The following PLCXD3 variants were observed in gnomAD, a reference collection of about 807,000 sequenced individuals.
PLCXD3 encodes PI-PLC X domain-containing protein 3.
In PLCXD3, 19 loss-of-function variants were observed where a neutral mutation model predicts 25.5. The observed-to-expected ratio is 0.75, with a 90% CI of 0.52 to 1.09. The LOEUF (loss-of-function observed/expected upper bound fraction) is 1.09. Ranked by LOEUF, PLCXD3 falls within the 50% of genes least tolerant of loss-of-function variation. The pLI is 0.00. For synonymous variants in PLCXD3, 174 were observed against 137.6 expected (o/e 1.26, Z -1.85); for missense variants, 411 against 388.1 (o/e 1.06, Z -0.50).
At chr5:41,408,951 A>G (rs1412671045) in intron 1 of PLCXD3, among the ~76,000 whole-genome samples, 1 of 152,222 alleles carries the variant, frequency 6.6e-6, no homozygotes, top group African/African-American at 2.4e-5. Context: ...AGCAGATTTT[A>G]TTAACACTAT....
chr5:41,387,237 C>A (rs566791357), intron 1 of PLCXD3, among the ~76,000 whole-genome samples: 2 of 152,050 alleles, frequency 1.3e-5, no homozygotes, highest in Non-Finnish European at 2.9e-5. Flanking sequence ...CTGTGAACAA[C>A]CAGCAAGCTT....
chr5:41,438,444 C>A (rs1373216388), intron 1 of PLCXD3, among the ~76,000 whole-genome samples: 1 of 152,120 alleles, frequency 6.6e-6, no homozygotes, highest in African/African-American at 2.4e-5. Flanking sequence ...TGAATAATGC[C>A]CACCTGCACG....
chr5:41,418,743 A>T (rs1287247568), intron 1 of PLCXD3, among the ~76,000 whole-genome samples: 1 of 152,108 alleles, frequency 6.6e-6, no homozygotes, highest in Non-Finnish European at 1.5e-5. Context: ...AACTGAAAAA[A>T]CTTTCACTCA....
At position 41,467,500 on chromosome 5, in the gene PLCXD3, G is replaced by A. The variant is rs190106509; in HGVS notation, c.103+42924C>T. Among the ~76,000 whole-genome samples the A allele has an allele frequency of 2.0e-3, 307 of 152,152 alleles. 1 individual carries two copies. The highest frequency in any genetic ancestry group is 6.8e-3 in the African/African-American group (284 of 41,518). ...GCAAGTATTTTCTCCCATTCTGTGG[G>A]TCATCACTTCACTTTGTTATTTGTT... On this transcript the variant is annotated intron_variant, in intron 1 of 2. Coordinates refer to ENST00000377801, the MANE Select transcript of PLCXD3 (RefSeq NM_001005473.3).
intron 2 of PLCXD3, among the ~76,000 whole-genome samples, chr5:41,324,619 T>C (rs1743569872): frequency 6.6e-6 from 1 of 152,080 alleles, no homozygotes; most frequent in South Asian, 2.1e-4. Flanking sequence ...CAGACATGAG[T>C]GTATTCAAGT....
At chr5:41,466,875 A>G (rs2150518759) in intron 1 of PLCXD3, among the ~76,000 whole-genome samples, 1 of 152,260 alleles carries the variant, frequency 6.6e-6, no homozygotes, top group African/African-American at 2.4e-5. Context: ...TACTGTCACG[A>G]GTGACAGAAA....
intron 2 of PLCXD3, among the ~76,000 whole-genome samples, chr5:41,374,216 T>C (rs967599345): frequency 1.3e-5 from 2 of 152,036 alleles, no homozygotes; most frequent in South Asian, 2.1e-4. Flanking sequence ...CTCACTTGAG[T>C]CTGTTAAGAA....
At position 41,382,346 on chromosome 5, in the gene PLCXD3, G is replaced by T; in HGVS notation, c.292C>A (p.Arg98=). 1 of 1,613,450 alleles carries T rather than the reference G, an allele frequency of 6.2e-7. No homozygotes were observed. The highest frequency in any genetic ancestry group is 8.5e-7 in the Non-Finnish European group (1 of 1,179,702). Residue 98 remains arginine, a synonymous_variant, in exon 2 of 3, where the codon CGA becomes AGA. Transcript: ENST00000377801. ...LGAGIRYFDL[R]ISTKPRDPDN... ...GGGTCTCTGGGCTTGGTGGAAATTC[G>T]AAGATCAAAATAACGAATTCCAGCT...
chr5:41,361,966 C>A (rs972117659), intron 2 of PLCXD3, among the ~76,000 whole-genome samples: 1 of 152,130 alleles, frequency 6.6e-6, no homozygotes, highest in Admixed American at 6.5e-5. Flanking sequence ...TAGACCACCA[C>A]GCTTACTTTC....
At chr5:41,320,282 A>C (rs1178802874) in intron 2 of PLCXD3, among the ~76,000 whole-genome samples, 1 of 152,164 alleles carries the variant, frequency 6.6e-6, no homozygotes, top group East Asian at 1.9e-4. Flanking sequence ...TACCCTGATA[A>C]CAAAACCAAA....
chr5:41,463,287 G>T (rs1199612212), intron 1 of PLCXD3, among the ~76,000 whole-genome samples: 1 of 151,954 alleles, frequency 6.6e-6, no homozygotes, highest in Non-Finnish European at 1.5e-5. Flanking sequence ...GAGGGTGCCA[G>T]CATGACTGGG....
At chr5:41,507,211 C>T (rs1485215068) in intron 1 of PLCXD3, among the ~76,000 whole-genome samples, 1 of 152,150 alleles carries the variant, frequency 6.6e-6, no homozygotes, top group East Asian at 1.9e-4. Context: ...TGTCTTCCTG[C>T]TTTCATCTCT....
intron 1 of PLCXD3, among the ~76,000 whole-genome samples, chr5:41,424,432 C>T (rs1746902291): frequency 6.6e-6 from 1 of 151,984 alleles, no homozygotes; most frequent in Non-Finnish European, 1.5e-5. Context: ...CCCAGCTACT[C>T]GGGAGGCTGG....
intron 2 of PLCXD3, among the ~76,000 whole-genome samples, chr5:41,351,629 T>C (rs1300981329): frequency 1.3e-5 from 2 of 152,192 alleles, no homozygotes; most frequent in Non-Finnish European, 2.9e-5. Context: ...TCAGTTTTCA[T>C]ATATTTAAAA....
chr5:41,454,772 C>A (rs1316690662), intron 1 of PLCXD3, among the ~76,000 whole-genome samples: 2 of 151,894 alleles, frequency 1.3e-5, no homozygotes, highest in African/African-American at 2.4e-5. Context: ...GAGACATATT[C>A]TCTCTCCAAG....
chr5:41,398,594 G>T (rs146571724), intron 1 of PLCXD3, among the ~76,000 whole-genome samples: 1 of 151,918 alleles, frequency 6.6e-6, no homozygotes, highest in Non-Finnish European at 1.5e-5. Context: ...AACCAACATG[G>T]TACGTCATAT....
chr5:41,345,683 TACACAC>T (rs57657516), intron 2 of PLCXD3, among the ~76,000 whole-genome samples: 14,197 of 146,004 alleles, frequency 0.097, 917 homozygotes, highest in East Asian at 0.33. Flanking sequence ...TACATATGTG[TACACAC>T]ACACACACAC....
chr5:41,392,573 C>A (rs1745862723), intron 1 of PLCXD3, among the ~76,000 whole-genome samples: 1 of 152,082 alleles, frequency 6.6e-6, no homozygotes, highest in South Asian at 2.1e-4. Flanking sequence ...ATCTGGAAAA[C>A]CTTCCCAAAA....
intron 1 of PLCXD3, among the ~76,000 whole-genome samples, chr5:41,446,797 T>A (rs531986389): frequency 2.8e-4 from 42 of 152,314 alleles, no homozygotes; most frequent in African/African-American, 9.9e-4. Context: ...AACGTTGGGA[T>A]AGAGTTGATG....
Sources: gnomAD v4.1 joint callset for allele counts (sites outside exome capture counted in the v4.1 genomes callset) on GRCh38, gnomAD v4.1.1 for gene constraint, MANE v1.5 for transcripts, NCBI Gene and HGNC (gene_info 2026-07-23, HGNC 2026-07-21) for gene names.